IQSEC3: variants seen among roughly 807,000 people sequenced by gnomAD.
The protein encoded by IQSEC3 is IQ motif and SEC7 domain-containing protein 3.
A neutral mutation model predicts 105.4 loss-of-function variants in IQSEC3; 50 were observed. The observed-to-expected ratio is 0.47, with a 90% CI of 0.38 to 0.60. IQSEC3 has a LOEUF of 0.60. IQSEC3 is among the 20% of genes least tolerant of loss of function. IQSEC3 has a pLI of 0.00. For missense variants in IQSEC3, 1,415 were observed against 1,630.0 expected (o/e 0.87, Z 2.27); for synonymous variants, 708 against 746.0 (o/e 0.95, Z 0.83).
intron 1 of IQSEC3, among the ~76,000 whole-genome samples, chr12:98,233 G>A (rs951590312): frequency 2.0e-5 from 3 of 152,134 alleles, no homozygotes; most frequent in Admixed American, 6.5e-5. Context: ...GGCTCAAAGC[G>A]GATATTGGAA....
intron 3 of IQSEC3, among the ~76,000 whole-genome samples, chr12:131,189 AGAGACGGAGGCCCCCGC>A (rs1459820578): frequency 2.0e-5 from 3 of 152,270 alleles, no homozygotes; most frequent in African/African-American, 7.2e-5. Context: ...GGCTCATTAG[AGAGACGGAGGCCCCCGC>A]GCCCCTGCCG....
chr12:174,843 G>A lies in IQSEC3; in HGVS notation c.3359G>A (p.Cys1120Tyr), dbSNP rs1295535897. 6.3e-7 allele frequency: 1 copy of A among 1,579,974 alleles called. No homozygotes were observed. Among genetic ancestry groups the A allele is most frequent in the Non-Finnish European group, 8.5e-7 (1 of 1,171,542 alleles). ...CCCCTGCTGAGCCAGGCTCTCTCCT[G>A]CTACACCTCGTCGTCCTCTGACTCC... ...MEPLLSQALS[C>Y]YTSSSSDSCG... The change falls in exon 14 of 14, where the codon TGC becomes TAC. Residue 1120 changes from cysteine (C) to tyrosine (Y), a missense_variant. Transcript: ENST00000538872.
At chr12:168,837 G>T in intron 11 of IQSEC3, 176 bp from the exon 12 acceptor site, 1 of 622,636 alleles carries the variant, frequency 1.6e-6, no homozygotes, top group East Asian at 2.7e-5. Context: ...GCGGCTCCGA[G>T]GGGGTATTTA....
chr12:166,723 A>C (rs182103487), intron 11 of IQSEC3: 1 of 152,350 alleles, frequency 6.6e-6, no homozygotes, highest in Admixed American at 6.5e-5. Flanking sequence ...ATATCTGTCC[A>C]TTAGGCGCTA....
At chr12:117,741 A>ACTT (rs138759636) in intron 2 of IQSEC3, among the ~76,000 whole-genome samples, 1 of 152,188 alleles carries the variant, frequency 6.6e-6, no homozygotes, top group Admixed American at 6.5e-5. Flanking sequence ...GAGAGGAAGA[A>ACTT]CTTCTTCTCT....
chr12:150,154 G>T (rs1866447886), intron 5 of IQSEC3, among the ~76,000 whole-genome samples: 1 of 152,180 alleles, frequency 6.6e-6, no homozygotes, highest in Non-Finnish European at 1.5e-5. Context: ...AAGCAGCAGG[G>T]CCATGGCCCA....
At chr12:76,115 C>T (rs1316589128) in intron 1 of IQSEC3, among the ~76,000 whole-genome samples, 3 of 151,604 alleles carry the variant, frequency 2.0e-5, no homozygotes, top group Non-Finnish European at 2.9e-5. Flanking sequence ...CACACACACA[C>T]ACACACACAC....
intron 5 of IQSEC3, 181 bp downstream of exon 5, chr12:141,466 TC>T (rs782076449): frequency 8.3e-5 from 51 of 615,526 alleles, no homozygotes; most frequent in Non-Finnish European, 1.3e-4. Flanking sequence ...GAGCCCTGTC[TC>T]CCGTCAGAGT....
At position 79,629 on chromosome 12, in the gene IQSEC3, C is replaced by A. The variant is rs1427220377; in HGVS notation, c.554+12193C>A. On this transcript the variant is annotated intron_variant, in intron 1 of 13. Transcript: ENST00000538872. ...TTGTTTTTGTAGAGACGGAGGCCTC[C>A]CTATGTTGCCCAGGCTGGTCTCGAA... Among the ~76,000 whole-genome samples the A allele has an allele frequency of 3.3e-5, 5 of 152,166 alleles. No individual in the cohort carries two copies. In the East Asian group the frequency reaches 9.7e-4, roughly 30 times the overall value.
chr12:134,234 T>A (rs1865685868), intron 3 of IQSEC3, among the ~76,000 whole-genome samples: 1 of 152,262 alleles, frequency 6.6e-6, no homozygotes, highest in Non-Finnish European at 1.5e-5. Flanking sequence ...TGCTGGGCAC[T>A]GTCCAAGCAT....
chr12:166,191 G>T (rs2137059528), intron 11 of IQSEC3: 1 of 385,020 alleles, frequency 2.6e-6, no homozygotes, highest in Non-Finnish European at 4.6e-6. Flanking sequence ...GGATGACCAA[G>T]CGAGCTGGCC....
chr12:120,057 G>A (rs946125042), intron 2 of IQSEC3, among the ~76,000 whole-genome samples: 2 of 152,148 alleles, frequency 1.3e-5, no homozygotes, highest in Non-Finnish European at 2.9e-5. Flanking sequence ...CACATCTTAT[G>A]AGCCAACCAC....
At chr12:119,920 C>T (rs554124883) in intron 2 of IQSEC3, among the ~76,000 whole-genome samples, 2 of 152,324 alleles carry the variant, frequency 1.3e-5, no homozygotes, top group African/African-American at 2.4e-5. Context: ...AGAAGTCCTC[C>T]CTTGAAGGAG....
At chr12:164,384 T>A (rs1177848718) in intron 9 of IQSEC3, among the ~76,000 whole-genome samples, 1 of 151,422 alleles carries the variant, frequency 6.6e-6, no homozygotes, top group South Asian at 2.1e-4. Flanking sequence ...CTCTCTGGAG[T>A]GCACATCAGG....
chr12:139,075 CAGAGGAGGA>C lies in IQSEC3; in HGVS notation c.1722_1730del (p.Glu577_Glu579del), dbSNP rs543798304. Reference sequence around the variant, plus strand: ...GCGGATGGGGCCACAGCCCCCAAAACAGAGGAGGAAGAGGAGGAGGAGGAGACGGCGGAG... The same window carrying C: ...GCGGATGGGGCCACAGCCCCCAAAACAGAGGAGGAGGAGGAGACGGCGGAG... On this transcript the variant is annotated inframe_deletion, in exon 4 of 14. Transcript: ENST00000538872. The C allele has an allele frequency of 1.0e-3, 1,531 of 1,495,188 alleles. 10 individuals carry two copies. The South Asian group carries it at 0.011, about 11-fold the overall frequency. The allele number at this position is 1,495,188 out of a possible 1,614,324, so 92.6% of individuals were successfully genotyped here. A position where few individuals can be genotyped will look rare whatever the true frequency, so the allele number is the denominator to read the frequency against.
At chr12:116,510 C>T (rs782585493) in intron 2 of IQSEC3, among the ~76,000 whole-genome samples, 4 of 152,224 alleles carry the variant, frequency 2.6e-5, no homozygotes, top group Admixed American at 6.5e-5. Flanking sequence ...TTACTCAGGC[C>T]ACAAAGGGCT....
chr12:142,846 C>T (rs1866087827), intron 5 of IQSEC3, among the ~76,000 whole-genome samples: 3 of 152,216 alleles, frequency 2.0e-5, no homozygotes, highest in African/African-American at 7.2e-5. Context: ...ATCTCTCTGG[C>T]TTTCCTGCAC....
At chr12:110,964 ATTT>A (rs2136943428) in intron 2 of IQSEC3, among the ~76,000 whole-genome samples, 1 of 152,224 alleles carries the variant, frequency 6.6e-6, no homozygotes, top group Non-Finnish European at 1.5e-5. Context: ...TTGGATAAGG[ATTT>A]AAGGAAGCAT....
chr12:177,614 G>A lies in IQSEC3; in HGVS notation c.*2581G>A, dbSNP rs1939278398. 6.6e-6 allele frequency: 1 copy of A among 152,302 alleles called. No individual in the cohort carries two copies. The highest frequency in any genetic ancestry group is 1.5e-5 in the Non-Finnish European group (1 of 68,164). 9.4% of individuals were successfully genotyped at this position (152,302 alleles called of 1,614,324 possible). On this transcript the variant is annotated 3_prime_UTR_variant, in exon 14 of 14. Coordinates refer to ENST00000538872, the MANE Select transcript of IQSEC3 (RefSeq NM_001170738.2). The surrounding 1 kb of genome is among the most constrained non-coding windows in gnomAD (Gnocchi z 5.3). Reference sequence around the variant, plus strand: ...GTGGAGCCAGTCCTGAGCTGGGAGGGGCATTTAACACCCCTGAGGGCCTGG... The same window carrying A: ...GTGGAGCCAGTCCTGAGCTGGGAGGAGCATTTAACACCCCTGAGGGCCTGG...
Sources: gnomAD v4.1 joint callset for allele counts (sites outside exome capture counted in the v4.1 genomes callset) on GRCh38, gnomAD v4.1.1 for gene constraint, Gnocchi (gnomAD v3.1) non-coding constraint, MANE v1.5 for transcripts, NCBI Gene and HGNC (gene_info 2026-07-23, HGNC 2026-07-21) for gene names.